The following KCNQ1 variants were observed in gnomAD, a reference collection of about 807,000 sequenced individuals.
KCNQ1 encodes the protein potassium voltage-gated channel subfamily Q member 1.
KCNQ1 carries 49 observed loss-of-function variants against 72.4 expected under a neutral mutation model. The ratio of observed to expected loss-of-function variants is 0.68; its 90% CI spans 0.54 to 0.86. The LOEUF is 0.86. Among genes scored for constraint, KCNQ1 ranks in the 40% least tolerant of loss-of-function variants. The pLI is 0.00. For missense variants in KCNQ1, 790 were observed against 945.1 expected (o/e 0.84, Z 2.15); for synonymous variants, 450 against 412.6 (o/e 1.09, Z -1.10).
At position 2,450,955 on chromosome 11, in the gene KCNQ1, G is replaced by A. The variant is rs1332808184; in HGVS notation, c.386+5471G>A. Reference sequence around the variant, plus strand: ...GGGAGCAGGCCCTGGCTGGAGGTGGGGAAGATCCATGATGGGACCCAGGTG... The same window carrying A: ...GGGAGCAGGCCCTGGCTGGAGGTGGAGAAGATCCATGATGGGACCCAGGTG... On this transcript the variant is annotated intron_variant, in intron 1 of 15. Transcript: ENST00000155840. This position sits in a 1 kb window ranked among gnomAD's most constrained non-coding sequence, Gnocchi z 7.9. 6.6e-6 allele frequency among the ~76,000 whole-genome samples: 1 copy of A among 152,150 alleles called. No individual in the cohort carries two copies. Among genetic ancestry groups the A allele is most frequent in the Non-Finnish European group, 1.5e-5 (1 of 68,024 alleles).
chr11:2,628,622 GCAGA>G (rs1158502641), intron 10 of KCNQ1: 2 of 398,166 alleles, frequency 5.0e-6, no homozygotes, highest in Non-Finnish European at 8.9e-6. Context: ...CCTTTGTTGT[GCAGA>G]CACTTTTTTG....
At chr11:2,633,177 T>C (rs1849391425) in intron 10 of KCNQ1, 1 of 398,564 alleles carries the variant, frequency 2.5e-6, no homozygotes, top group Non-Finnish European at 4.4e-6. Flanking sequence ...TGTTGAGCAT[T>C]TTTTCACATA....
intron 15 of KCNQ1, among the ~76,000 whole-genome samples, chr11:2,802,319 C>T (rs1326381496): frequency 5.9e-5 from 9 of 152,202 alleles, no homozygotes; most frequent in Non-Finnish European, 8.8e-5. Flanking sequence ...TGTCGCCAGC[C>T]GGCAGCACTG....
Position 2,673,072 on chromosome 11 carries a change from A to G in KCNQ1, c.1514+10991A>G, listed in dbSNP as rs969757804. 6 of 398,708 alleles carry G rather than the reference A, an allele frequency of 1.5e-5. No homozygotes were observed. Among genetic ancestry groups the G allele is most frequent in the Admixed American group, 4.4e-5 (1 of 22,726 alleles). The allele number at this position is 398,708 out of a possible 1,614,324, so 24.7% of individuals were successfully genotyped here. A position where few individuals can be genotyped will look rare whatever the true frequency, so the allele number is the denominator to read the frequency against. ...AAAGGGACAGTGAAGTTGGCTTCTC[A>G]GGCCACAGTAGGCCTTCACGGTACT... On this transcript the variant is annotated intron_variant, in intron 11 of 15. Coordinates refer to ENST00000155840, the MANE Select transcript of KCNQ1 (RefSeq NM_000218.3). This position sits in a 1 kb window ranked among gnomAD's most constrained non-coding sequence, Gnocchi z 4.5.
intron 2 of KCNQ1, among the ~76,000 whole-genome samples, chr11:2,569,423 C>G (rs1209299979): frequency 6.6e-6 from 1 of 152,250 alleles, no homozygotes; most frequent in East Asian, 1.9e-4. Context: ...CAGTGTCCAG[C>G]TGACTGCTCA....
chr11:2,453,046 G>A (rs1179538016), intron 1 of KCNQ1, among the ~76,000 whole-genome samples: 4 of 152,230 alleles, frequency 2.6e-5, no homozygotes, highest in East Asian at 3.8e-4. Context: ...TGCTAGATGC[G>A]TGGAGGAGAT....
At chr11:2,571,268 C>A in intron 3 of KCNQ1, 57 bp from the exon 4 acceptor site, 1 of 1,418,148 alleles carries the variant, frequency 7.1e-7, no homozygotes, top group Non-Finnish European at 1.0e-6. Flanking sequence ...GTATGCTCTT[C>A]CCTGGGGCCC....
chr11:2,578,773 G>C (rs1219142593), intron 6 of KCNQ1, among the ~76,000 whole-genome samples: 2 of 152,272 alleles, frequency 1.3e-5, no homozygotes, highest in Non-Finnish European at 2.9e-5. Context: ...GGGCTCTCGA[G>C]GCTGGGCAAG....
chr11:2,810,716 A>G (rs996927030), intron 15 of KCNQ1, among the ~76,000 whole-genome samples: 2 of 152,200 alleles, frequency 1.3e-5, no homozygotes, highest in African/African-American at 2.4e-5. Flanking sequence ...ATGTTTTTCA[A>G]TGTTTGCTCG....
At position 2,482,202 on chromosome 11, in the gene KCNQ1, GTA is replaced by G. The variant is rs1035444314; in HGVS notation, c.386+36722_386+36723del. Reference sequence around the variant, plus strand: ...CCCCTATCACTGCGTGTGTGTGTGTGTATATGTGTGTGTGTGCATACTTGCCT... The same window carrying G: ...CCCCTATCACTGCGTGTGTGTGTGTGTATGTGTGTGTGTGCATACTTGCCT... On this transcript the variant is annotated intron_variant, in intron 1 of 15. Coordinates refer to ENST00000155840, the MANE Select transcript of KCNQ1 (RefSeq NM_000218.3). The surrounding 1 kb of genome is among the most constrained non-coding windows in gnomAD (Gnocchi z 5.7). Among the ~76,000 whole-genome samples, 8 of 152,118 alleles carry G rather than the reference GTA, an allele frequency of 5.3e-5. No individual in the cohort carries two copies. Among genetic ancestry groups the G allele is most frequent in the African/African-American group, 1.9e-4 (8 of 41,418 alleles).
rs958102092 is a variant in KCNQ1 at position 2,463,341 on chromosome 11, A to G, written c.386+17857A>G. The stretch of plus-strand genomic sequence containing the variant: ...GTAGAGGCTGTTTTCTGCTGAGGAT[A>G]CATTTGCCCCCTCTATCCCCCAGAT... On this transcript the variant is annotated intron_variant, in intron 1 of 15. Coordinates refer to ENST00000155840, the MANE Select transcript of KCNQ1 (RefSeq NM_000218.3). This position sits in a 1 kb window ranked among gnomAD's most constrained non-coding sequence, Gnocchi z 7.0. Among the ~76,000 whole-genome samples the G allele has an allele frequency of 6.6e-6, 1 of 151,730 alleles. No homozygotes were observed. Among genetic ancestry groups the G allele is most frequent in the Non-Finnish European group, 1.5e-5 (1 of 68,014 alleles).
chr11:2,667,475 T>A (rs16928527), intron 11 of KCNQ1: 6,162 of 398,268 alleles, frequency 0.015, 269 homozygotes, highest in East Asian at 0.11. Context: ...TGTTGGAGGA[T>A]GTGACAGAGA....
At chr11:2,778,110 C>T (rs1044254872) in intron 15 of KCNQ1, 73 bp downstream of exon 15, 32 of 1,426,034 alleles carry the variant, frequency 2.2e-5, no homozygotes, top group South Asian at 1.7e-4. Flanking sequence ...CTGTGGTCTG[C>T]GTGTGAACGT....
At chr11:2,846,128 G>A (rs1161123506) in intron 15 of KCNQ1, among the ~76,000 whole-genome samples, 2 of 152,140 alleles carry the variant, frequency 1.3e-5, no homozygotes, top group Non-Finnish European at 2.9e-5. Flanking sequence ...GATCAGCAGT[G>A]GGGCCGGGCG....
intron 1 of KCNQ1, 122 bp from the exon 2 acceptor site, chr11:2,527,806 T>G: frequency 1.2e-6 from 1 of 816,838 alleles, no homozygotes; most frequent in East Asian, 2.5e-5. Flanking sequence ...TGACTGGGTT[T>G]TCGAAGCACT....
At chr11:2,810,220 G>A (rs1300897406) in intron 15 of KCNQ1, among the ~76,000 whole-genome samples, 1 of 152,146 alleles carries the variant, frequency 6.6e-6, no homozygotes, top group Non-Finnish European at 1.5e-5. Context: ...CTACCATCTG[G>A]ACTCAGGGGT....
chr11:2,757,343 T>A (rs2133969609), intron 11 of KCNQ1, among the ~76,000 whole-genome samples: 1 of 152,228 alleles, frequency 6.6e-6, no homozygotes, highest in Non-Finnish European at 1.5e-5. Flanking sequence ...CTAAAGAAAT[T>A]AAAATACTTA....
intron 2 of KCNQ1, among the ~76,000 whole-genome samples, chr11:2,539,516 G>A (rs1053833723): frequency 2.6e-5 from 4 of 152,216 alleles, no homozygotes; most frequent in South Asian, 4.1e-4. Context: ...GGACTCCACC[G>A]CGGCAGCCTG....
intron 1 of KCNQ1, among the ~76,000 whole-genome samples, chr11:2,510,419 C>A (rs892165442): frequency 6.6e-6 from 1 of 152,094 alleles, no homozygotes; most frequent in Non-Finnish European, 1.5e-5. Context: ...CCTGCCTGGG[C>A]AACATGGTGA....
Sources: allele counts gnomAD v4.1 joint callset (sites outside exome capture counted in the v4.1 genomes callset), GRCh38; gene constraint gnomAD v4.1.1; non-coding constraint Gnocchi (gnomAD v3.1); transcripts MANE v1.5; gene names NCBI Gene and HGNC (gene_info 2026-07-23, HGNC 2026-07-21).